EFNA5: variants seen among roughly 807,000 people sequenced by gnomAD.
EFNA5 encodes ephrin A5, also known as ephrin-A5.
Under a neutral mutation model 22.9 loss-of-function variants are expected in EFNA5, and 5 were observed. The observed-to-expected ratio is 0.22, with a 90% CI of 0.11 to 0.46. The LOEUF is 0.46. EFNA5 is among the 20% of genes least tolerant of loss of function. EFNA5 has a pLI of 0.99. For missense variants in EFNA5, 237 were observed against 293.3 expected (o/e 0.81, Z 1.40); for synonymous variants, 113 against 112.2 (o/e 1.01, Z -0.04).
intron 1 of EFNA5, among the ~76,000 whole-genome samples, chr5:107,464,810 C>T (rs1272327389): frequency 2.6e-5 from 4 of 152,114 alleles, no homozygotes; most frequent in Admixed American, 1.3e-4. Context: ...AAATTCATCA[C>T]GCCAGGAAAG....
chr5:107,473,220 G>A (rs535820504), intron 1 of EFNA5, among the ~76,000 whole-genome samples: 3 of 150,056 alleles, frequency 2.0e-5, no homozygotes, highest in Non-Finnish European at 4.4e-5. Flanking sequence ...CCCAAATCTT[G>A]ACTCTAAAAA....
At chr5:107,573,069 T>C (rs754512377) in intron 1 of EFNA5, among the ~76,000 whole-genome samples, 52 of 152,212 alleles carry the variant, frequency 3.4e-4, no homozygotes, top group Non-Finnish European at 1.5e-4. Flanking sequence ...GCAGTGGGTC[T>C]TTCCCTTACT....
intron 1 of EFNA5, among the ~76,000 whole-genome samples, chr5:107,517,433 C>T (rs1747504843): frequency 6.6e-6 from 1 of 152,198 alleles, no homozygotes; most frequent in South Asian, 2.1e-4. Flanking sequence ...TCACTCGGTG[C>T]TTCTTGTACT....
At chr5:107,402,991 C>T (rs895084104) in intron 2 of EFNA5, among the ~76,000 whole-genome samples, 1 of 152,154 alleles carries the variant, frequency 6.6e-6, no homozygotes, top group East Asian at 1.9e-4. Context: ...ATTTCAATTC[C>T]CTGCAGTGTG....
chr5:107,611,096 A>G lies in EFNA5; in HGVS notation c.125+59393T>C, dbSNP rs149179278. Among the ~76,000 whole-genome samples the G allele has an allele frequency of 4.7e-3, 710 of 152,248 alleles. 9 individuals carry two copies. Among genetic ancestry groups the G allele is most frequent in the African/African-American group, 0.016 (677 of 41,542 alleles). ...CTCATAGAAACATGAAAGTGGGGCAATGACAGATATGAAGCCCAGCATGAA... is the reference window on the plus strand; with the variant it reads ...CTCATAGAAACATGAAAGTGGGGCAGTGACAGATATGAAGCCCAGCATGAA... On this transcript the variant is annotated intron_variant, in intron 1 of 4. Transcript: ENST00000333274.
intron 1 of EFNA5, among the ~76,000 whole-genome samples, chr5:107,458,999 T>A (rs934269515): frequency 2.0e-5 from 3 of 152,204 alleles, no homozygotes; most frequent in African/African-American, 7.2e-5. Flanking sequence ...CACCAAAATA[T>A]ACTTTTCCAT....
intron 1 of EFNA5, among the ~76,000 whole-genome samples, chr5:107,531,275 A>G (rs1393102157): frequency 6.6e-6 from 1 of 152,172 alleles, no homozygotes; most frequent in African/African-American, 2.4e-5. Context: ...TAACACCTAG[A>G]ATCCAGATGA....
In EFNA5 at chr5:107,659,740, T is replaced by G. The variant is rs1056797092; in HGVS notation, c.125+10749A>C. ...TAGTCAGATATGTTAATATATGTAT[T>G]GATAACAAGACCATGCCAAAATAAT... On this transcript the variant is annotated intron_variant, in intron 1 of 4. Transcript: ENST00000333274. Among the ~76,000 whole-genome samples, 95 of 152,208 alleles carry G rather than the reference T, an allele frequency of 6.2e-4. 1 individual carries two copies. The highest frequency in any genetic ancestry group is 2.2e-3 in the African/African-American group (93 of 41,542).
chr5:107,515,353 A>T (rs959088465), intron 1 of EFNA5, among the ~76,000 whole-genome samples: 56 of 131,890 alleles, frequency 4.2e-4, no homozygotes, highest in Middle Eastern at 4.0e-3. Flanking sequence ...CATGGTTTTT[A>T]TTTTTTATTT....
intron 1 of EFNA5, among the ~76,000 whole-genome samples, chr5:107,493,111 GAA>G (rs1038674916): frequency 1.3e-5 from 2 of 151,226 alleles, no homozygotes; most frequent in Non-Finnish European, 2.9e-5. Context: ...ACCACCTAGA[GAA>G]AAGGAGATAT....
intron 2 of EFNA5, among the ~76,000 whole-genome samples, chr5:107,399,853 A>T (rs1748039097): frequency 6.6e-6 from 1 of 152,188 alleles, no homozygotes; most frequent in East Asian, 1.9e-4. Context: ...GTGGTACTTT[A>T]ATACTTTTAA....
intron 1 of EFNA5, among the ~76,000 whole-genome samples, chr5:107,493,341 G>A (rs903204244): frequency 3.3e-5 from 5 of 151,640 alleles, no homozygotes; most frequent in Non-Finnish European, 7.4e-5. Flanking sequence ...GTTATCTGAA[G>A]TGAATTACTG....
intron 1 of EFNA5, among the ~76,000 whole-genome samples, chr5:107,512,517 G>T (rs1201238885): frequency 6.6e-6 from 1 of 151,792 alleles, no homozygotes; most frequent in Non-Finnish European, 1.5e-5. Flanking sequence ...GTCACAGAAG[G>T]CACAAAACTG....
At chr5:107,619,033 T>C (rs1749980418) in intron 1 of EFNA5, among the ~76,000 whole-genome samples, 2 of 152,012 alleles carry the variant, frequency 1.3e-5, no homozygotes, top group South Asian at 4.2e-4. Flanking sequence ...GCCATTCTCC[T>C]GCCTCAGCCT....
chr5:107,620,190 C>A (rs751577088), intron 1 of EFNA5, among the ~76,000 whole-genome samples: 4 of 152,194 alleles, frequency 2.6e-5, no homozygotes, highest in Non-Finnish European at 5.9e-5. Flanking sequence ...TTGACAAAAT[C>A]TTTGTTAACA....
In EFNA5 at chr5:107,511,644, A is replaced by C. The variant is rs182614804; in HGVS notation, c.126-84135T>G. Among the ~76,000 whole-genome samples the C allele has an allele frequency of 3.6e-3, 546 of 152,284 alleles. 8 individuals carry two copies. Among genetic ancestry groups the C allele is most frequent in the Middle Eastern group, 0.01 (3 of 294 alleles). ...CCTGAAGCTTTTTTAAAAGTACAAC[A>C]ATCTTTTTAGTTTCAACTTTAATCT... On this transcript the variant is annotated intron_variant, in intron 1 of 4. Transcript: ENST00000333274.
intron 1 of EFNA5, among the ~76,000 whole-genome samples, chr5:107,465,687 T>G (rs1749959108): frequency 6.6e-6 from 1 of 152,144 alleles, no homozygotes; most frequent in South Asian, 2.1e-4. Flanking sequence ...GATACAATCA[T>G]GGTGACAGTC....
At chr5:107,452,697 C>T (rs534102824) in intron 1 of EFNA5, among the ~76,000 whole-genome samples, 28 of 152,264 alleles carry the variant, frequency 1.8e-4, no homozygotes, top group East Asian at 7.7e-4. Context: ...ACTGTACTTA[C>T]TCCAGCCTGG....
intron 1 of EFNA5, among the ~76,000 whole-genome samples, chr5:107,608,554 C>T (rs1362366880): frequency 6.6e-6 from 1 of 152,204 alleles, no homozygotes; most frequent in Non-Finnish European, 1.5e-5. Context: ...CCCTTTGTCC[C>T]CTGCATGTCA....
Sources: allele counts gnomAD v4.1 joint callset (sites outside exome capture counted in the v4.1 genomes callset), GRCh38; gene constraint gnomAD v4.1.1; transcripts MANE v1.5; gene names NCBI Gene and HGNC (gene_info 2026-07-23, HGNC 2026-07-21).